WBP4: variants seen among roughly 807,000 people sequenced by gnomAD.
The protein encoded by WBP4 is WW domain binding protein 4, also known as WW domain-binding protein 4.
In WBP4, 37 loss-of-function variants were observed where a neutral mutation model predicts 55.4. That is an observed-to-expected ratio of 0.67 (90% CI 0.51 to 0.88). WBP4 has a LOEUF of 0.88. WBP4 is among the 40% of genes least tolerant of loss of function. The pLI is 0.00. For synonymous variants in WBP4, 142 were observed against 140.2 expected, an observed-to-expected ratio of 1.01 and a Z score of -0.09; for missense variants, 398 against 420.8, an observed-to-expected ratio of 0.95 and a Z score of 0.47.
At chr13:41,074,396 G>A (rs969131243) in intron 7 of WBP4, among the ~76,000 whole-genome samples, 1 of 152,048 alleles carries the variant, frequency 6.6e-6, no homozygotes, top group Non-Finnish European at 1.5e-5. Flanking sequence ...GGAAGAAAAG[G>A]CCCTTTTAAC....
chr13:41,081,597 G>C (rs891905537), intron 9 of WBP4, among the ~76,000 whole-genome samples: 1 of 151,924 alleles, frequency 6.6e-6, no homozygotes, highest in Non-Finnish European at 1.5e-5. Flanking sequence ...ATAGGATTCA[G>C]TGTTGCTATT....
At chr13:41,064,934 G>C in intron 2 of WBP4, 82 bp from the exon 3 acceptor site, 2 of 1,255,826 alleles carry the variant, frequency 1.6e-6, no homozygotes, top group Middle Eastern at 2.7e-4. Context: ...ATTTTCTCAT[G>C]TTTATGAGAA....
At chr13:41,071,973 C>T (rs1037047644) in intron 6 of WBP4, among the ~76,000 whole-genome samples, 2 of 145,746 alleles carry the variant, frequency 1.4e-5, no homozygotes, top group Admixed American at 7.2e-5. Context: ...GGACCTGGGG[C>T]GGCAGAGGTT....
intron 8 of WBP4, among the ~76,000 whole-genome samples, chr13:41,078,957 A>C (rs950347276): frequency 6.6e-6 from 1 of 152,206 alleles, no homozygotes; most frequent in African/African-American, 2.4e-5. Context: ...AAAATAGACA[A>C]ATGGGAGGGA....
chr13:41,068,516 A>T, intron 4 of WBP4, 45 bp from the exon 5 acceptor site: 1 of 1,465,664 alleles, frequency 6.8e-7, no homozygotes, highest in Non-Finnish European at 9.0e-7. Context: ...AACCATAAAA[A>T]ATAGTAGTTA....
At chr13:41,077,235 A>AT (rs139320197) in intron 8 of WBP4, among the ~76,000 whole-genome samples, 12,805 of 152,274 alleles carry the variant, frequency 0.084, 770 homozygotes, top group Middle Eastern at 0.16. Flanking sequence ...AGCTCAATAG[A>AT]TAAAAAGCAT....
chr13:41,082,016 G>A (rs2138487253), intron 9 of WBP4, among the ~76,000 whole-genome samples: 1 of 152,230 alleles, frequency 6.6e-6, no homozygotes, highest in South Asian at 2.1e-4. Flanking sequence ...GACTATCTAG[G>A]GAGTACGGTA....
intron 7 of WBP4, 103 bp from the exon 8 acceptor site, chr13:41,075,941 A>T (rs373376817): frequency 5.0e-6 from 6 of 1,188,764 alleles, no homozygotes; most frequent in African/African-American, 1.6e-5. Context: ...TGAAATACAT[A>T]CAGTATTGTC....
At chr13:41,074,726 G>A (rs1299222123) in intron 7 of WBP4, among the ~76,000 whole-genome samples, 1 of 152,192 alleles carries the variant, frequency 6.6e-6, no homozygotes, top group Admixed American at 6.6e-5. Context: ...CTGGCGTGGT[G>A]GTTCACACCT....
At chr13:41,082,605 A>C (rs1593436466) in intron 9 of WBP4, 99 bp from the exon 10 acceptor site, 1 of 1,063,548 alleles carries the variant, frequency 9.4e-7, no homozygotes, top group Non-Finnish European at 1.4e-6. Context: ...AAAATGAGCA[A>C]CTTCTAATGT....
At chr13:41,061,872 C>G (rs577543741) in intron 1 of WBP4, among the ~76,000 whole-genome samples, 197 bp downstream of exon 1, 1 of 152,062 alleles carries the variant, frequency 6.6e-6, no homozygotes, top group African/African-American at 2.4e-5. Context: ...GCTGAACGCC[C>G]TGGGGTATGG....
intron 1 of WBP4, chr13:41,062,386 A>G (rs774714711): frequency 2.7e-5 from 22 of 827,478 alleles, no homozygotes; most frequent in East Asian, 2.5e-4. Context: ...CGATGACGAT[A>G]ACAAGTGAGG....
intron 5 of WBP4, among the ~76,000 whole-genome samples, chr13:41,070,475 A>C (rs932228512): frequency 3.3e-5 from 5 of 151,904 alleles, no homozygotes; most frequent in African/African-American, 1.2e-4. Flanking sequence ...GGTAGATTGG[A>C]GCCATCTTAT....
intron 5 of WBP4, among the ~76,000 whole-genome samples, chr13:41,069,755 G>A (rs1878148712): frequency 6.7e-6 from 1 of 148,540 alleles, no homozygotes; most frequent in Non-Finnish European, 1.5e-5. Flanking sequence ...GCTCATGCCT[G>A]TAATCCCAGC....
chr13:41,081,659 TGCTG>T (rs1458409264), intron 9 of WBP4, among the ~76,000 whole-genome samples: 2 of 151,938 alleles, frequency 1.3e-5, no homozygotes. Flanking sequence ...AGAAGGTCCT[TGCTG>T]GCCAGGCAGG....
intron 4 of WBP4, among the ~76,000 whole-genome samples, chr13:41,067,129 T>C (rs1003370508): frequency 6.6e-6 from 1 of 152,114 alleles, no homozygotes; most frequent in African/African-American, 2.4e-5. Flanking sequence ...TCCCAGCGAT[T>C]TTTTGGTAGA....
At chr13:41,076,269 A>C in intron 8 of WBP4, 32 bp downstream of exon 8, 1 of 677,812 alleles carries the variant, frequency 1.5e-6, no homozygotes, top group Non-Finnish European at 2.0e-6. Flanking sequence ...TTCACATCAA[A>C]TTTTTTTTTT....
chr13:41,073,002 A>T (rs1297492204), intron 7 of WBP4, 145 bp downstream of exon 7: 1 of 625,346 alleles, frequency 1.6e-6, no homozygotes, highest in African/African-American at 1.9e-5. Context: ...TTTGTAATTT[A>T]AAAACAATAC....
chr13:41,062,450 CTT>C (rs963525565), intron 1 of WBP4, among the ~76,000 whole-genome samples, 192 bp from the exon 2 acceptor site: 2 of 151,892 alleles, frequency 1.3e-5, no homozygotes, highest in Non-Finnish European at 2.9e-5. Flanking sequence ...CAGATACAGA[CTT>C]TTTCTACTCC....
Sources: allele counts gnomAD v4.1 joint callset (sites outside exome capture counted in the v4.1 genomes callset), GRCh38; gene constraint gnomAD v4.1.1; transcripts MANE v1.5; gene names NCBI Gene and HGNC (gene_info 2026-07-23, HGNC 2026-07-21).